The following TPR variants were observed in gnomAD, a reference collection of about 807,000 sequenced individuals.
TPR encodes the protein translocated promoter region, nuclear basket protein, also known as nucleoprotein TPR.
Under a neutral mutation model 316.1 loss-of-function variants are expected in TPR, and 51 were observed. That is an observed-to-expected ratio of 0.16 (90% CI 0.13 to 0.20). The LOEUF is 0.20. TPR is among the 10% of genes least tolerant of loss of function. The pLI, the probability that TPR is intolerant of heterozygous loss-of-function variation, is 1.00. For missense variants in TPR, 2,272 were observed against 2,754.8 expected, an observed-to-expected ratio of 0.82 and a Z score of 3.92; for synonymous variants, 981 against 914.7, an observed-to-expected ratio of 1.07 and a Z score of -1.31.
chr1:186,335,060 A>G lies in TPR; in HGVS notation c.4973+8T>C, dbSNP rs1416710734. 2 of 1,611,830 alleles carry G rather than the reference A, an allele frequency of 1.2e-6. No individual in the cohort carries two copies. Among genetic ancestry groups the G allele is most frequent in the South Asian group, 1.1e-5 (1 of 90,976 alleles). On this transcript the variant is annotated splice_region_variant and intron_variant, in intron 35 of 50. Transcript: ENST00000367478. ...AAAATAACAGACTATGAAATAACTA[A>G]AACTCACATTCCTCTTTCACCAGAA...
rs1056124283 is a variant in TPR at position 186,337,892 on chromosome 1, G to T, written c.4362+141C>A. 2.8e-5 allele frequency: 20 copies of T among 724,108 alleles called. No homozygotes were observed. The African/African-American group carries it at 3.5e-4, about 13-fold the overall frequency. The allele number at this position is 724,108 out of a possible 1,614,324, so 44.9% of individuals were successfully genotyped here. On this transcript the variant is annotated intron_variant, in intron 31 of 50. Coordinates refer to ENST00000367478, the MANE Select transcript of TPR (RefSeq NM_003292.3). ...ATAATGCATTTTCAGACATATTAAA[G>T]AACTAATCTTAAATAAAGATATCAT...
In TPR at chr1:186,327,404, T is replaced by A. The variant is rs1040482085; in HGVS notation, c.5889+56A>T. 1.9e-6 allele frequency: 3 copies of A among 1,565,496 alleles called. No homozygotes were observed. In the African/African-American group the frequency reaches 4.2e-5, roughly 22 times the overall value. On this transcript the variant is annotated intron_variant, in intron 40 of 50. Transcript: ENST00000367478. ...GCCAATGCATTAGTATCCCAAGGAT[T>A]TGAGCACTTTCATCCAATAGTTTAA...
At chr1:186,371,164 G>A in intron 2 of TPR, 121 bp from the exon 3 acceptor site, 2 of 764,352 alleles carry the variant, frequency 2.6e-6, no homozygotes, top group Non-Finnish European at 2.1e-6. Context: ...CAGAAAGACT[G>A]CATTGTACAT....
intron 7 of TPR, 143 bp from the exon 8 acceptor site, chr1:186,362,012 ATAAAT>A: frequency 4.1e-6 from 3 of 724,738 alleles, no homozygotes; most frequent in South Asian, 4.6e-5. Flanking sequence ...CATGACAAAG[ATAAAT>A]TAAGGATAAA....
Position 186,359,985 on chromosome 1 carries a change from A to G in TPR, c.1203T>C (p.Ala401=). The G allele has an allele frequency of 6.2e-7, 1 of 1,604,670 alleles. No homozygotes were observed. Reference sequence around the variant, plus strand: ...GCAACTGATCCTGAGTTTCCACATAAGCATTATAGAGCTGAAAGTAGACAA... The same window carrying G: ...GCAACTGATCCTGAGTTTCCACATAGGCATTATAGAGCTGAAAGTAGACAA... ...PGMKLTELYN[A]YVETQDQLLL... is the part of the protein sequence containing the mutation. Residue 401 remains alanine (A), a synonymous_variant, in exon 12 of 51, where the codon GCT becomes GCC. Coordinates refer to ENST00000367478, the MANE Select transcript of TPR (RefSeq NM_003292.3).
chr1:186,334,737 T>C (rs1393090134), intron 35 of TPR, among the ~76,000 whole-genome samples: 10 of 152,254 alleles, frequency 6.6e-5, no homozygotes, highest in South Asian at 4.1e-4. Context: ...TATCTAGCTG[T>C]TGAATTGCTG....
chr1:186,355,716 T>G lies in TPR; in HGVS notation c.1941A>C (p.Thr647=). The change falls in exon 16 of 51, where the codon ACA becomes ACC. Residue 647 remains threonine (T), a synonymous_variant. Transcript: ENST00000367478. The stretch of plus-strand genomic sequence containing the variant: ...GAGCAGGAGTGGAAACAGTCTGTGA[T>G]GTACTTGGACGTTTTGGAGTTGATG... The part of the protein sequence containing the change: ...SLASTPKRPS[T]SQTVSTPAPV... The G allele has an allele frequency of 6.2e-7, 1 of 1,614,166 alleles. No individual in the cohort carries two copies. Among genetic ancestry groups the G allele is most frequent in the African/African-American group, 1.3e-5 (1 of 75,050 alleles).
Position 186,361,882 on chromosome 1 carries a change from G to A in TPR, c.790-13C>T. ...GTTGTTCCTTGGCCTGAAAAAAATA[G>A]CCCAATTATAGCAGTCTACTTTGAA... On this transcript the variant is annotated splice_polypyrimidine_tract_variant and intron_variant, in intron 7 of 50. Transcript: ENST00000367478. 1 of 1,611,076 alleles carries A rather than the reference G, an allele frequency of 6.2e-7. No homozygotes were observed. The highest frequency in any genetic ancestry group is 1.1e-5 in the South Asian group (1 of 90,882).
intron 48 of TPR, 112 bp downstream of exon 48, chr1:186,318,335 A>G: frequency 7.1e-7 from 1 of 1,417,620 alleles, no homozygotes; most frequent in Non-Finnish European, 9.5e-7. Flanking sequence ...CTCAAAAAAA[A>G]AAACAAAAAA....
At position 186,313,711 on chromosome 1, in the gene TPR, G is replaced by A. The variant is rs1274193440; in HGVS notation, c.*260C>T. 2 of 1,608,382 alleles carry A rather than the reference G, an allele frequency of 1.2e-6. No homozygotes were observed. The highest frequency in any genetic ancestry group is 1.3e-5 in the African/African-American group (1 of 74,860). ...TACTATAACATTGATGTGCCTAGTA[G>A]AACAGCAAGAGCAATTACTACTCGT... On this transcript the variant is annotated 3_prime_UTR_variant, in exon 51 of 51. Coordinates refer to ENST00000367478, the MANE Select transcript of TPR (RefSeq NM_003292.3).
At chr1:186,343,539 A>G in intron 26 of TPR, 66 bp from the exon 27 acceptor site, 2 of 1,485,282 alleles carry the variant, frequency 1.3e-6, no homozygotes, top group Non-Finnish European at 1.8e-6. Flanking sequence ...AAACGTAGGT[A>G]ATTTGGTAAG....
At chr1:186,370,842 T>C in intron 3 of TPR, 128 bp downstream of exon 3, 1 of 662,876 alleles carries the variant, frequency 1.5e-6, no homozygotes, top group Admixed American at 3.0e-5. Context: ...CATATTTTTG[T>C]TGGTAGCTTC....
At chr1:186,364,820 A>T (rs34924250) in intron 4 of TPR, among the ~76,000 whole-genome samples, 2 of 152,204 alleles carry the variant, frequency 1.3e-5, no homozygotes, top group East Asian at 3.9e-4. Context: ...GCCACAAAAG[A>T]TATTTATTAG....
At chr1:186,372,789 T>G (rs1385575442) in intron 2 of TPR, among the ~76,000 whole-genome samples, 1 of 152,210 alleles carries the variant, frequency 6.6e-6, no homozygotes, top group African/African-American at 2.4e-5. Context: ...TTTCTAAAAC[T>G]TAATGATGTA....
At position 186,320,928 on chromosome 1, in the gene TPR, T is replaced by C. The variant is rs188132488; in HGVS notation, c.6462-510A>G. Among the ~76,000 whole-genome samples, 4 of 152,354 alleles carry C rather than the reference T, an allele frequency of 2.6e-5. No individual in the cohort carries two copies. The East Asian group carries it at 7.7e-4, about 29-fold the overall frequency. On this transcript the variant is annotated intron_variant, in intron 45 of 50. Coordinates refer to ENST00000367478, the MANE Select transcript of TPR (RefSeq NM_003292.3). ...GCTTTCTTTGTTATCCTAATAACAC[T>C]ATCATTTATCTTTCTGCCTATAATT... is the stretch of plus-strand genomic sequence containing the variant.
chr1:186,331,792 A>G (rs1489601534), intron 38 of TPR, among the ~76,000 whole-genome samples: 1 of 152,130 alleles, frequency 6.6e-6, no homozygotes, highest in East Asian at 1.9e-4. Flanking sequence ...TGCTAATACA[A>G]TTAATTTAGT....
chr1:186,341,286 C>T lies in TPR; in HGVS notation c.3854G>A (p.Arg1285Lys). 1.2e-6 allele frequency: 2 copies of T among 1,613,780 alleles called. No individual in the cohort carries two copies. The highest frequency in any genetic ancestry group is 1.7e-5 in the Admixed American group (1 of 59,976). Residue 1285 changes from arginine to lysine, a missense_variant, in exon 28 of 51, where the codon AGA becomes AAA. Around this residue, in one of 10 missense-constraint regions of TPR, gnomAD observed 757 missense variants for 859.8 expected, o/e 0.88. Coordinates refer to ENST00000367478, the MANE Select transcript of TPR (RefSeq NM_003292.3). ...CATTTGCTGTAGATCCTGTTCTAGT[C>T]TCTCCTTCTCTTCTCTTAGCATTTT... ...TNKMLREEKE[R>K]LEQDLQQMQA... is the part of the protein sequence containing the mutation.
chr1:186,338,188 G>C lies in TPR; in HGVS notation c.4207C>G (p.Leu1403Val). Residue 1403 changes from leucine (L) to valine (V), a missense_variant, in exon 31 of 51, where the codon CTA (leucine) becomes GTA (valine). Transcript: ENST00000367478. Reference sequence around the variant, plus strand: ...TCCTTTTCAGTTCTTACTTTATTTAGATCTTCCTTCAGACTCTGAATTAAG... The same window carrying C: ...TCCTTTTCAGTTCTTACTTTATTTACATCTTCCTTCAGACTCTGAATTAAG... ...QNLIQSLKED[L>V]NKVRTEKETI... The C allele has an allele frequency of 1.2e-6, 2 of 1,612,610 alleles. No individual in the cohort carries two copies. Among genetic ancestry groups the C allele is most frequent in the Non-Finnish European group, 1.7e-6 (2 of 1,179,422 alleles).
rs1558014380 is a variant in TPR at position 186,345,649 on chromosome 1, TTG to T, written c.3142_3143del (p.Gln1048ArgfsTer12). ...KTLSSVQNEVQEALQRASTAL... is the reference protein window; with the variant it reads ...KTLSSVQNEVXEALQRASTAL... ...CTGTGCTTGCTCTCTGAAGAGCTTC[TTG>T]TACTTCATTCTGAACACTAGAAAGT... On this transcript the variant is annotated frameshift_variant, in exon 24 of 51. Transcript: ENST00000367478. LOFTEE classifies it high-confidence loss of function. 1 of 1,613,402 alleles carries T rather than the reference TTG, an allele frequency of 6.2e-7. No homozygotes were observed.
Sources: gnomAD v4.1 joint callset for allele counts (sites outside exome capture counted in the v4.1 genomes callset) on GRCh38, gnomAD v4.1.1 for gene constraint, gnomAD v4.1.1 regional missense constraint, MANE v1.5 for transcripts, NCBI Gene and HGNC (gene_info 2026-07-23, HGNC 2026-07-21) for gene names.